ACTR3C: variants seen among roughly 807,000 people sequenced by gnomAD.
ACTR3C encodes the protein actin-related protein 3C.
ACTR3C carries 18 observed loss-of-function variants against 26.3 expected under a neutral mutation model. The ratio of observed to expected loss-of-function variants is 0.68; its 90% CI spans 0.47 to 1.01. The LOEUF is 1.01. Ranked by LOEUF, ACTR3C falls within the 50% of genes least tolerant of loss-of-function variation. The pLI, the probability that ACTR3C is intolerant of heterozygous loss-of-function variation, is 0.00. For synonymous variants in ACTR3C, 55 were observed against 94.5 expected (o/e 0.58, Z 2.42); for missense variants, 184 against 250.7 (o/e 0.73, Z 1.80).
chr7:150,042,598 C>A, the ACTR3C span, among the ~76,000 whole-genome samples: 2 of 146,626 alleles, frequency 1.4e-5, no homozygotes, highest in South Asian at 2.1e-4. Flanking sequence ...CCCCCCACTG[C>A]GATGGGAGTC....
chr7:150,246,321 C>T (rs62502640), downstream of ACTR3C: 5,461 of 152,250 alleles, frequency 0.036, 163 homozygotes, highest in Non-Finnish European at 0.053. Context: ...TGTTCCTAGC[C>T]ATGGAGGACC....
At chr7:150,039,178 C>G in the ACTR3C span, among the ~76,000 whole-genome samples, 1 of 147,706 alleles carries the variant, frequency 6.8e-6, no homozygotes, top group Non-Finnish European at 1.5e-5. Context: ...GGCTCTCAGT[C>G]CCCGCCTCGC....
chr7:150,002,385 C>G, the ACTR3C span: 4 of 152,460 alleles, frequency 2.6e-5, no homozygotes, highest in Non-Finnish European at 5.9e-5. Context: ...GTCCCAGTGA[C>G]TATATCACAC....
intron 6 of ACTR3C, among the ~76,000 whole-genome samples, chr7:150,270,670 G>A (rs1173219771): frequency 6.6e-6 from 1 of 152,086 alleles, no homozygotes. Context: ...AGTCCACACT[G>A]CCTCCCTTCC....
chr7:150,133,808 G>A, the ACTR3C span, among the ~76,000 whole-genome samples: 1 of 152,116 alleles, frequency 6.6e-6, no homozygotes, highest in Non-Finnish European at 1.5e-5. Flanking sequence ...CACCATCAGG[G>A]CACACTGCAG....
the ACTR3C span, among the ~76,000 whole-genome samples, chr7:149,987,291 C>T: frequency 2.6e-5 from 4 of 152,208 alleles, no homozygotes; most frequent in East Asian, 3.9e-4. Flanking sequence ...AGCGGCCAGG[C>T]GCTGTGGCTC....
the ACTR3C span, among the ~76,000 whole-genome samples, chr7:150,003,842 TGTG>T: frequency 6.6e-6 from 1 of 151,802 alleles, no homozygotes. Context: ...GTGTATATGA[TGTG>T]GTATATGGTG....
chr7:149,923,032 A>G, the ACTR3C span, among the ~76,000 whole-genome samples: 1 of 115,868 alleles, frequency 8.6e-6, no homozygotes, highest in Non-Finnish European at 1.6e-5. Context: ...GGGGGAGGGG[A>G]AGAAGAGATG....
At chr7:149,934,735 C>CA in the ACTR3C span, among the ~76,000 whole-genome samples, 1 of 148,898 alleles carries the variant, frequency 6.7e-6, no homozygotes, top group East Asian at 2.0e-4. Context: ...GGGCCAACAC[C>CA]AGGCCTCCCA....
chr7:150,182,023 C>G, the ACTR3C span, among the ~76,000 whole-genome samples: 1 of 150,496 alleles, frequency 6.6e-6, no homozygotes, highest in Admixed American at 6.6e-5. Context: ...CAGAGCAGAA[C>G]GTGCAGAAAC....
the ACTR3C span, among the ~76,000 whole-genome samples, chr7:150,191,611 G>A: frequency 1.3e-5 from 2 of 152,052 alleles, no homozygotes; most frequent in African/African-American, 4.8e-5. Flanking sequence ...CATGTTTTGT[G>A]GATTTCTCGG....
At chr7:150,180,113 G>A in the ACTR3C span, among the ~76,000 whole-genome samples, 2 of 150,826 alleles carry the variant, frequency 1.3e-5, no homozygotes, top group Non-Finnish European at 2.9e-5. Flanking sequence ...AGATCATCCT[G>A]GCTAACACGG....
the ACTR3C span, among the ~76,000 whole-genome samples, chr7:150,033,174 C>T: frequency 6.6e-6 from 1 of 152,248 alleles, no homozygotes; most frequent in East Asian, 1.9e-4. Context: ...TGCAGCAGGG[C>T]TCTGTTTGTC....
At chr7:150,081,300 AAGAGAAG>A in the ACTR3C span, among the ~76,000 whole-genome samples, 23 of 148,622 alleles carry the variant, frequency 1.5e-4, 1 homozygote, top group African/African-American at 5.8e-4. Context: ...AAGAAATAGA[AAGAGAAG>A]AGAGAAAAGA....
At chr7:150,041,179 A>C in the ACTR3C span, among the ~76,000 whole-genome samples, 28 of 134,110 alleles carry the variant, frequency 2.1e-4, 2 homozygotes, top group Admixed American at 2.0e-3. Flanking sequence ...TGTTGTTGGG[A>C]TCCCCATTTC....
chr7:150,174,161 T>C, the ACTR3C span, among the ~76,000 whole-genome samples: 8 of 139,294 alleles, frequency 5.7e-5, 1 homozygote, highest in African/African-American at 1.3e-4. Context: ...ATTTACTGCA[T>C]TAGTTTGTTT....
the ACTR3C span, among the ~76,000 whole-genome samples, chr7:149,903,307 T>C: frequency 6.6e-6 from 1 of 151,300 alleles, no homozygotes; most frequent in Non-Finnish European, 1.5e-5. Context: ...TAACCACTAT[T>C]TGAAGGCAAT....
chr7:150,108,513 GC>G, the ACTR3C span, among the ~76,000 whole-genome samples: 56 of 151,000 alleles, frequency 3.7e-4, 1 homozygote, highest in African/African-American at 1.3e-3. Context: ...GTCTGAATGT[GC>G]CCCCCAAAAT....
chr7:150,191,649 C>T, the ACTR3C span, among the ~76,000 whole-genome samples: 1 of 152,162 alleles, frequency 6.6e-6, no homozygotes, highest in African/African-American at 2.4e-5. Context: ...GTTATTTTGT[C>T]TGCAGATAGA....
Sources: gnomAD v4.1 joint callset for allele counts (sites outside exome capture counted in the v4.1 genomes callset) on GRCh38, gnomAD v4.1.1 for gene constraint, MANE v1.5 for transcripts, NCBI Gene and HGNC (gene_info 2026-07-23, HGNC 2026-07-21) for gene names.